The following CCDC171 variants were observed in gnomAD, a reference collection of about 807,000 sequenced individuals.
CCDC171 encodes coiled-coil domain-containing protein 171.
A neutral mutation model predicts 168.2 loss-of-function variants in CCDC171; 177 were observed. That is an observed-to-expected ratio of 1.05 (90% confidence interval 0.93 to 1.19). The LOEUF is 1.19. CCDC171 is among the 50% of genes most tolerant of loss of function. The pLI is 0.00. For synonymous variants in CCDC171, 687 were observed against 540.8 expected, an observed-to-expected ratio of 1.27 and a Z score of -3.75; for missense variants, 1,991 against 1,539.0, an observed-to-expected ratio of 1.29 and a Z score of -4.91.
chr9:16,049,547 G>C (rs373814654), intron 1 of CCDC171, among the ~76,000 whole-genome samples: 1 of 152,132 alleles, frequency 6.6e-6, no homozygotes, highest in Non-Finnish European at 1.5e-5. Flanking sequence ...TGCTGCCTTG[G>C]ATATCAGAAC....
downstream of CCDC171, among the ~76,000 whole-genome samples, chr9:15,976,978 A>G (rs1020316351): frequency 1.3e-5 from 2 of 152,194 alleles, no homozygotes; most frequent in Admixed American, 1.3e-4. Context: ...TATTGCAAGT[A>G]CAGCCAAGCA....
rs374874889 is a variant in CCDC171, at chr9:15,914,441, A to G, written c.3601-5829A>G. On this transcript the variant is annotated intron_variant, in intron 24 of 25. Transcript: ENST00000380701. ...CAGAACTTCCTGGAGGCTTTGTTTA[A>G]ACTGTGAGGGGAAAACCGCCTTCTC... Among the ~76,000 whole-genome samples, 14 of 152,188 alleles carry G rather than the reference A, an allele frequency of 9.2e-5. No individual in the cohort carries two copies. The East Asian group carries it at 1.4e-3, about 15-fold the overall frequency.
chr9:15,597,253 G>A (rs1297995645), intron 6 of CCDC171, among the ~76,000 whole-genome samples: 3 of 152,062 alleles, frequency 2.0e-5, no homozygotes, highest in African/African-American at 7.2e-5. Flanking sequence ...TCCAGTTTTT[G>A]CCCATTCAGT....
At chr9:15,941,274 A>G (rs1300583212) in intron 25 of CCDC171, among the ~76,000 whole-genome samples, 2 of 152,062 alleles carry the variant, frequency 1.3e-5, no homozygotes, top group Non-Finnish European at 2.9e-5. Context: ...AGGAATGCAT[A>G]GAAAGTTAGT....
At chr9:15,813,478 A>G (rs1183516092) in intron 21 of CCDC171, among the ~76,000 whole-genome samples, 1 of 152,152 alleles carries the variant, frequency 6.6e-6, no homozygotes, top group Non-Finnish European at 1.5e-5. Flanking sequence ...TATAGCATCT[A>G]ACTAATATAA....
chr9:15,928,796 G>A (rs1319075855), intron 25 of CCDC171, among the ~76,000 whole-genome samples: 1 of 151,290 alleles, frequency 6.6e-6, no homozygotes, highest in Admixed American at 6.6e-5. Flanking sequence ...TATTTTTTTT[G>A]ATCCTTGGCA....
chr9:15,744,245 C>G lies in CCDC171; in HGVS notation c.2050-28C>G, dbSNP rs924091283. The G allele has an allele frequency of 3.9e-6, 6 of 1,523,996 alleles. No individual in the cohort carries two copies. The African/African-American group carries it at 7.0e-5, about 18-fold the overall frequency. 94.4% of individuals were successfully genotyped at this position (1,523,996 alleles called of 1,614,324 possible). A position where few individuals can be genotyped will look rare whatever the true frequency, so the allele number is the denominator to read the frequency against. ...ATATAATGCCTGTTTGTTTCATGAT[C>G]AAATATATTTTTTGACTTCTTCCAT... On this transcript the variant is annotated intron_variant, in intron 16 of 25. Coordinates refer to ENST00000380701, the MANE Select transcript of CCDC171 (RefSeq NM_173550.4).
chr9:15,981,737 C>A (rs1317286021), intron 3 of CCDC171, among the ~76,000 whole-genome samples: 1 of 152,146 alleles, frequency 6.6e-6, no homozygotes, highest in African/African-American at 2.4e-5. Context: ...TTTTCCATAA[C>A]CCTCTCCCTT....
intron 21 of CCDC171, among the ~76,000 whole-genome samples, chr9:15,790,504 T>C (rs1380090571): frequency 6.6e-6 from 1 of 152,210 alleles, no homozygotes; most frequent in Admixed American, 6.5e-5. Context: ...TAGCCCTTTG[T>C]CAGATGAGTA....
intron 10 of CCDC171, among the ~76,000 whole-genome samples, chr9:15,680,781 G>T (rs1030942298): frequency 1.3e-5 from 2 of 152,156 alleles, no homozygotes; most frequent in Non-Finnish European, 2.9e-5. Context: ...ATCAGTAGTG[G>T]AGAAAAATAT....
intron 6 of CCDC171, among the ~76,000 whole-genome samples, chr9:15,602,696 T>G (rs1479835085): frequency 2.0e-5 from 3 of 149,588 alleles, no homozygotes; most frequent in African/African-American, 7.4e-5. Flanking sequence ...CTCTGTGTTG[T>G]CCAGGCTGGA....
intron 18 of CCDC171, among the ~76,000 whole-genome samples, chr9:15,747,814 A>G (rs995565801): frequency 3.9e-5 from 6 of 152,234 alleles, no homozygotes; most frequent in African/African-American, 1.4e-4. Context: ...AAAGGCTGCA[A>G]ATTCCAAAAA....
In CCDC171 at chr9:15,610,444, T is replaced by TAAAAAAAAAA. The variant is rs754593075; in HGVS notation, c.676-12795_676-12786dup. Among the ~76,000 whole-genome samples the TAAAAAAAAAA allele has an allele frequency of 2.1e-3, 27 of 12,722 alleles. 10 individuals are homozygous for TAAAAAAAAAA. Among genetic ancestry groups the TAAAAAAAAAA allele is most frequent in the Non-Finnish European group, 3.7e-3 (24 of 6,452 alleles). The allele number at this position is 12,722 out of a possible 152,430, so 8.3% of individuals were successfully genotyped here. ...CAACATGGTGAAACCCCATCTCAACTAAAAAAAAAAAAAAAAAAAAAAAAA... is the reference window on the plus strand; with the variant it reads ...CAACATGGTGAAACCCCATCTCAACTAAAAAAAAAAAAAAAAAAAAAAAAAAAAAAAAAAA... On this transcript the variant is annotated intron_variant, in intron 6 of 25. Coordinates refer to ENST00000380701, the MANE Select transcript of CCDC171 (RefSeq NM_173550.4).
chr9:16,103,787 G>C, the CCDC171 span, among the ~76,000 whole-genome samples: 1 of 152,212 alleles, frequency 6.6e-6, no homozygotes, highest in African/African-American at 2.4e-5. Flanking sequence ...CAAGCGGCGA[G>C]GGGGGCCTGC....
At chr9:16,033,563 T>C (rs1833405489) in intron 6 of CCDC171, among the ~76,000 whole-genome samples, 1 of 151,782 alleles carries the variant, frequency 6.6e-6, no homozygotes, top group South Asian at 2.1e-4. Context: ...AGCTCAGGGC[T>C]CCCACTGATT....
chr9:16,107,538 ATG>A, the CCDC171 span, among the ~76,000 whole-genome samples: 3 of 151,900 alleles, frequency 2.0e-5, no homozygotes, highest in Non-Finnish European at 4.4e-5. Flanking sequence ...CTCTCTCTAA[ATG>A]TGTGTGTGTA....
chr9:15,623,483 A>ACACACACACACACACG, intron 7 of CCDC171, 70 bp downstream of exon 7: 2 of 531,118 alleles, frequency 3.8e-6, no homozygotes, highest in Admixed American at 3.8e-5. Flanking sequence ...GCGCACACAC[A>ACACACACACACACACG]CACACACACA....
upstream of CCDC171, among the ~76,000 whole-genome samples, chr9:16,038,053 A>G (rs1474632431): frequency 2.0e-5 from 3 of 152,306 alleles, no homozygotes; most frequent in Admixed American, 6.5e-5. Flanking sequence ...AAAGCAATGA[A>G]GATTTTTTTT....
the CCDC171 span, among the ~76,000 whole-genome samples, chr9:16,100,513 C>G: frequency 6.6e-6 from 1 of 152,142 alleles, no homozygotes; most frequent in Non-Finnish European, 1.5e-5. Context: ...ACAAATGTTG[C>G]GGCATCTGAA....
Sources: allele counts gnomAD v4.1 joint callset (sites outside exome capture counted in the v4.1 genomes callset), GRCh38; gene constraint gnomAD v4.1.1; transcripts MANE v1.5; gene names NCBI Gene and HGNC (gene_info 2026-07-23, HGNC 2026-07-21).